TENM2: variants seen among roughly 807,000 people sequenced by gnomAD.
The protein encoded by TENM2 is teneurin transmembrane protein 2.
Under a neutral mutation model 245.2 loss-of-function variants are expected in TENM2, and 52 were observed. That is an observed-to-expected ratio of 0.21 (90% CI 0.17 to 0.27). TENM2 has a LOEUF of 0.27. Ranked by LOEUF, TENM2 falls within the 10% of genes least tolerant of loss-of-function variation. The probability of loss-of-function intolerance (pLI) is 1.00; values close to 1 mark genes in which losing one functional copy is unlikely to be tolerated. For missense variants in TENM2, 3,046 were observed against 3,666.8 expected (o/e 0.83, Z 4.37); for synonymous variants, 1,363 against 1,438.9 (o/e 0.95, Z 1.19).
the TENM2 span, among the ~76,000 whole-genome samples, chr5:167,024,061 C>T: frequency 6.6e-6 from 1 of 152,118 alleles, no homozygotes; most frequent in Non-Finnish European, 1.5e-5. Context: ...AAGGAAAACA[C>T]ATTTAGATAA....
chr5:167,059,981 G>T, the TENM2 span, among the ~76,000 whole-genome samples: 24 of 152,130 alleles, frequency 1.6e-4, no homozygotes, highest in South Asian at 1.5e-3. Context: ...GGGATTATGG[G>T]CATGAGCCAC....
chr5:167,456,843 G>A (rs1320285891), intron 2 of TENM2, among the ~76,000 whole-genome samples: 1 of 152,282 alleles, frequency 6.6e-6, no homozygotes, highest in East Asian at 1.9e-4. Context: ...AATATTAAAA[G>A]TATATGTTCT....
At chr5:168,000,662 TGCCATGATTTCTTA>T (rs1784358321) in intron 5 of TENM2, among the ~76,000 whole-genome samples, 1 of 152,178 alleles carries the variant, frequency 6.6e-6, no homozygotes, top group Admixed American at 6.5e-5. Flanking sequence ...AATTAAACTA[TGCCATGATTTCTTA>T]GCATTTGTAA....
chr5:167,297,359 C>T (rs1053098096), intron 1 of TENM2: 13 of 152,156 alleles, frequency 8.5e-5, no homozygotes, highest in Non-Finnish European at 1.6e-4. Context: ...AGTCCATCTC[C>T]TTGTTTCTGA....
chr5:167,822,193 C>A (rs556610896), intron 2 of TENM2, among the ~76,000 whole-genome samples: 1 of 151,870 alleles, frequency 6.6e-6, no homozygotes, highest in African/African-American at 2.4e-5. Flanking sequence ...AACACCCACG[C>A]CCTCTCGGTC....
intron 13 of TENM2, 134 bp downstream of exon 15, chr5:168,162,891 A>C (rs565573467): frequency 4.5e-6 from 5 of 1,114,268 alleles, no homozygotes; most frequent in Non-Finnish European, 6.4e-6. Flanking sequence ...CTTTGAAGCA[A>C]ATGCAGCAGA....
chr5:167,085,794 A>G, the TENM2 span, among the ~76,000 whole-genome samples: 1 of 152,208 alleles, frequency 6.6e-6, no homozygotes, highest in African/African-American at 2.4e-5. Flanking sequence ...TTCAATGCCT[A>G]TGTCAATAAT....
At chr5:167,688,049 T>C (rs1385146135) in intron 2 of TENM2, among the ~76,000 whole-genome samples, 2 of 152,218 alleles carry the variant, frequency 1.3e-5, no homozygotes, top group African/African-American at 4.8e-5. Flanking sequence ...CTTTATGAAC[T>C]ATGTGCATTG....
At chr5:167,821,677 A>G (rs139245340) in intron 2 of TENM2, among the ~76,000 whole-genome samples, 131 of 152,302 alleles carry the variant, frequency 8.6e-4, no homozygotes, top group African/African-American at 2.9e-3. Context: ...GGAGTGTTTT[A>G]TAACATAGTT....
intron 2 of TENM2, among the ~76,000 whole-genome samples, chr5:167,754,678 C>CACACACATGT (rs1762175138): frequency 1.3e-5 from 2 of 150,176 alleles, no homozygotes; most frequent in African/African-American, 4.9e-5. Context: ...TGCATTCCTG[C>CACACACATGT]ACACACATGT....
chr5:167,950,640 G>A (rs567644722), intron 3 of TENM2, among the ~76,000 whole-genome samples: 1 of 152,220 alleles, frequency 6.6e-6, no homozygotes, highest in South Asian at 2.1e-4. Flanking sequence ...AAAGGCATGA[G>A]AATTCATTAA....
At chr5:167,213,230 A>G in the TENM2 span, among the ~76,000 whole-genome samples, 3 of 152,226 alleles carry the variant, frequency 2.0e-5, no homozygotes, top group Non-Finnish European at 4.4e-5. Flanking sequence ...CCATCAAGGC[A>G]GTCATTAAAC....
intron 2 of TENM2, among the ~76,000 whole-genome samples, chr5:167,762,608 G>A (rs755950944): frequency 5.3e-5 from 8 of 152,158 alleles, no homozygotes; most frequent in Non-Finnish European, 7.3e-5. Flanking sequence ...ATTGATCTCT[G>A]CTTATCAGAA....
At chr5:167,673,643 A>C (rs1461507720) in intron 2 of TENM2, among the ~76,000 whole-genome samples, 2 of 152,156 alleles carry the variant, frequency 1.3e-5, no homozygotes, top group Non-Finnish European at 2.9e-5. Flanking sequence ...ATCACTGCTC[A>C]AATACTCACT....
the TENM2 span, among the ~76,000 whole-genome samples, chr5:167,096,698 GT>G: frequency 6.6e-6 from 1 of 152,208 alleles, no homozygotes; most frequent in African/African-American, 2.4e-5. Flanking sequence ...CCTCTATTGA[GT>G]TTTTATGTAT....
At chr5:167,929,823 A>G (rs540501978) in intron 3 of TENM2, among the ~76,000 whole-genome samples, 1 of 152,320 alleles carries the variant, frequency 6.6e-6, no homozygotes, top group Non-Finnish European at 1.5e-5. Context: ...ATAGAGACTG[A>G]CAAAATTGGT....
At chr5:168,228,278 C>T (rs1764432637) in intron 25 of TENM2, 148 bp downstream of exon 27, 2 of 468,322 alleles carry the variant, frequency 4.3e-6, no homozygotes, top group African/African-American at 8.5e-5. Context: ...GCTTCAAAGC[C>T]TCTAATACCC....
intron 1 of TENM2, among the ~76,000 whole-genome samples, chr5:167,317,634 A>C (rs778596011): frequency 6.6e-6 from 1 of 152,192 alleles, no homozygotes; most frequent in African/African-American, 2.4e-5. Context: ...ATTATTGCCA[A>C]TATCACTGAA....
chr5:167,619,619 G>A (rs1260662132), intron 2 of TENM2, among the ~76,000 whole-genome samples: 1 of 152,158 alleles, frequency 6.6e-6, no homozygotes, highest in Non-Finnish European at 1.5e-5. Context: ...TCTCACAGTT[G>A]TCTTGAGGAT....
Sources: allele counts gnomAD v4.1 joint callset (sites outside exome capture counted in the v4.1 genomes callset), GRCh38; gene constraint gnomAD v4.1.1; transcripts MANE v1.5; gene names NCBI Gene and HGNC (gene_info 2026-07-23, HGNC 2026-07-21).